TWIST2: variants seen among roughly 807,000 people sequenced by gnomAD.
TWIST2 encodes the protein twist-related protein 2.
In TWIST2, 1 loss-of-function variant was observed where a neutral mutation model predicts 11.6. The observed-to-expected ratio is 0.09, with a 90% CI of 0.03 to 0.41. The LOEUF is 0.41. Ranked by LOEUF, TWIST2 falls within the 10% of genes least tolerant of loss-of-function variation. TWIST2 has a pLI of 0.98. For missense variants in TWIST2, 168 were observed against 226.4 expected (o/e 0.74, Z 1.66); for synonymous variants, 87 against 96.6 (o/e 0.90, Z 0.58).
Position 238,848,228 on chromosome 2 carries a change from T to G in TWIST2, c.13T>G (p.Ser5Ala), listed in dbSNP as rs1314192968. 1 of 1,443,528 alleles carries G rather than the reference T, an allele frequency of 6.9e-7. No individual in the cohort carries two copies. Among genetic ancestry groups the G allele is most frequent in the Non-Finnish European group, 9.1e-7 (1 of 1,095,426 alleles). The allele number at this position is 1,443,528 out of a possible 1,614,324, so 89.4% of individuals were successfully genotyped here. The stretch of plus-strand genomic sequence containing the variant: ...CCGGGCGGGCGCCATGGAGGAGGGC[T>G]CCAGCTCGCCCGTGTCCCCCGTGGA... MEEG[S>A]SSPVSPVDSL... The change falls in exon 1 of 2, where the codon TCC becomes GCC. Residue 5 changes from serine to alanine, a missense_variant. Around this residue, in one of 3 missense-constraint regions of TWIST2, gnomAD observed 83 missense variants for 92.7 expected, o/e 0.90. Transcript: ENST00000612363.
chr2:238,854,828 TGCTGCCACG>T (rs1445841956), intron 1 of TWIST2, among the ~76,000 whole-genome samples: 2 of 152,240 alleles, frequency 1.3e-5, no homozygotes, highest in African/African-American at 2.4e-5. Flanking sequence ...TCTCGGGCTC[TGCTGCCACG>T]GCAGCTTTCT....
At chr2:238,854,262 A>G (rs1692292182) in intron 1 of TWIST2, among the ~76,000 whole-genome samples, 1 of 152,226 alleles carries the variant, frequency 6.6e-6, no homozygotes, top group Non-Finnish European at 1.5e-5. Context: ...AGCCATCAGT[A>G]TCTTCTGGGA....
chr2:238,848,467 G>A lies in TWIST2; in HGVS notation c.252G>A (p.Glu84=), dbSNP rs1692174505. The change falls in exon 1 of 2, where the codon GAG becomes GAA. Residue 84 remains glutamate, a synonymous_variant. Transcript: ENST00000612363. ...RERQRTQSLN[E]AFAALRKIIP... ...GCCAGCGCACCCAGTCGCTCAACGAGGCCTTCGCGGCGCTGCGCAAGATCA... is the reference window on the plus strand; with the variant it reads ...GCCAGCGCACCCAGTCGCTCAACGAAGCCTTCGCGGCGCTGCGCAAGATCA... 11 of 1,567,412 alleles carry A rather than the reference G, an allele frequency of 7.0e-6. No individual in the cohort carries two copies. Among genetic ancestry groups the A allele is most frequent in the Non-Finnish European group, 9.5e-6 (11 of 1,159,360 alleles).
At position 238,872,547 on chromosome 2, in the gene TWIST2, T is replaced by C. The variant is rs142681283; in HGVS notation, c.*35+23814T>C. ...CTGTGCAGGGAAGGGCGATGCTCTT[T>C]CTTTTCCAAGAATTGGGGTTAATAG... is the stretch of plus-strand genomic sequence containing the variant. On this transcript the variant is annotated intron_variant, in intron 1 of 1. Coordinates refer to ENST00000612363, the MANE Select transcript of TWIST2 (RefSeq NM_001271893.4). Among the ~76,000 whole-genome samples, 119 of 152,380 alleles carry C rather than the reference T, an allele frequency of 7.8e-4. 1 individual carries two copies. The highest frequency in any genetic ancestry group is 2.8e-3 in the African/African-American group (115 of 41,592).
rs1323629165 is a variant in TWIST2, at chr2:238,891,325, C to G, written c.*36-18517C>G. Among the ~76,000 whole-genome samples, 4 of 152,218 alleles carry G rather than the reference C, an allele frequency of 2.6e-5. No individual in the cohort carries two copies. In the East Asian group the frequency reaches 7.7e-4, roughly 29 times the overall value. Reference sequence around the variant, plus strand: ...CTGTGCTTGTGAACGGCCTTCAGGCCCAGCGCCCTCACTGTGCCCAGTGGG... The same window carrying G: ...CTGTGCTTGTGAACGGCCTTCAGGCGCAGCGCCCTCACTGTGCCCAGTGGG... On this transcript the variant is annotated intron_variant, in intron 1 of 1. Transcript: ENST00000612363.
At chr2:238,902,662 G>A (rs1227528197) in intron 1 of TWIST2, among the ~76,000 whole-genome samples, 1 of 126,166 alleles carries the variant, frequency 7.9e-6, no homozygotes, top group Admixed American at 7.5e-5. Context: ...TGTGTGTGAT[G>A]TGTGTGTGAT....
At chr2:238,852,955 C>A (rs1028900355) in intron 1 of TWIST2, among the ~76,000 whole-genome samples, 7 of 152,136 alleles carry the variant, frequency 4.6e-5, no homozygotes, top group African/African-American at 1.7e-4. Context: ...TAAGATTTAT[C>A]TCAGAGTAAT....
At chr2:238,903,202 G>GTGT (rs1693299544) in intron 1 of TWIST2, among the ~76,000 whole-genome samples, 2 of 145,768 alleles carry the variant, frequency 1.4e-5, no homozygotes, top group South Asian at 2.2e-4. Context: ...TGTGATGTGG[G>GTGT]GTATGTGATG....
At chr2:238,865,594 G>T (rs1692516037) in intron 1 of TWIST2, among the ~76,000 whole-genome samples, 1 of 152,196 alleles carries the variant, frequency 6.6e-6, no homozygotes, top group Non-Finnish European at 1.5e-5. Flanking sequence ...CACCCACCTG[G>T]CGTCTCCTGG....
intron 1 of TWIST2, among the ~76,000 whole-genome samples, chr2:238,853,248 C>A (rs1423748611): frequency 6.6e-6 from 1 of 152,112 alleles, no homozygotes; most frequent in Non-Finnish European, 1.5e-5. Flanking sequence ...TTTATATTAA[C>A]TTTCATTAAG....
At chr2:238,904,377 AGTGT>A (rs1212023370) in intron 1 of TWIST2, among the ~76,000 whole-genome samples, 941 of 88,010 alleles carry the variant, frequency 0.011, 6 homozygotes, top group African/African-American at 0.036. Context: ...TGTTTGAGGT[AGTGT>A]GTGTGTGATG....
At chr2:238,902,110 A>AC (rs1265964886) in intron 1 of TWIST2, among the ~76,000 whole-genome samples, 3 of 151,898 alleles carry the variant, frequency 2.0e-5, no homozygotes, top group Admixed American at 6.6e-5. Context: ...CCAGATTCTG[A>AC]CCCCTGATCC....
chr2:238,869,244 T>C (rs571303116), intron 1 of TWIST2, among the ~76,000 whole-genome samples: 1 of 152,360 alleles, frequency 6.6e-6, no homozygotes, highest in South Asian at 2.1e-4. Context: ...CACAGGCCAC[T>C]GCAGCTTGTT....
intron 1 of TWIST2, among the ~76,000 whole-genome samples, chr2:238,896,107 G>T (rs926047472): frequency 6.6e-6 from 1 of 152,120 alleles, no homozygotes; most frequent in African/African-American, 2.4e-5. Flanking sequence ...CTTCTCAGGC[G>T]CAGCAGGCAA....
At chr2:238,891,115 C>T (rs543644116) in intron 1 of TWIST2, among the ~76,000 whole-genome samples, 3 of 152,330 alleles carry the variant, frequency 2.0e-5, no homozygotes, top group East Asian at 1.9e-4. Flanking sequence ...TCATGACATT[C>T]GCAGTCTGAT....
chr2:238,905,897 GT>G (rs1378769274), intron 1 of TWIST2, among the ~76,000 whole-genome samples: 2 of 120,210 alleles, frequency 1.7e-5, no homozygotes, highest in East Asian at 5.6e-4. Flanking sequence ...GCGCATGCGC[GT>G]GTGTGCGTGT....
chr2:238,884,620 G>T (rs1278307692), intron 1 of TWIST2, among the ~76,000 whole-genome samples: 1 of 152,218 alleles, frequency 6.6e-6, no homozygotes, highest in Non-Finnish European at 1.5e-5. Context: ...CACCTGCCAG[G>T]GGGCTGGGGC....
rs1416304007 is a variant in TWIST2, at chr2:238,866,128, C to T, written c.*35+17395C>T. ...CCCACTGAATGTAGGTTCCTTTACCCCCATTTCACCTGCTGCCAGCAGGAT... is the reference window on the plus strand; with the variant it reads ...CCCACTGAATGTAGGTTCCTTTACCTCCATTTCACCTGCTGCCAGCAGGAT... On this transcript the variant is annotated intron_variant, in intron 1 of 1. Transcript: ENST00000612363. This position sits in a 1 kb window ranked among gnomAD's most constrained non-coding sequence, Gnocchi z 4.9. Among the ~76,000 whole-genome samples, 1 of 152,212 alleles carries T rather than the reference C, an allele frequency of 6.6e-6. No individual in the cohort carries two copies.
chr2:238,896,154 GA>G (rs1693204543), intron 1 of TWIST2, among the ~76,000 whole-genome samples: 2 of 152,186 alleles, frequency 1.3e-5, no homozygotes, highest in African/African-American at 4.8e-5. Flanking sequence ...AGGGGGGAGA[GA>G]GGGGCGGGGA....
Sources: allele counts gnomAD v4.1 joint callset (sites outside exome capture counted in the v4.1 genomes callset), GRCh38; gene constraint gnomAD v4.1.1; regional missense constraint gnomAD v4.1.1; non-coding constraint Gnocchi (gnomAD v3.1); transcripts MANE v1.5; gene names NCBI Gene and HGNC (gene_info 2026-07-23, HGNC 2026-07-21).